CSAD: variants seen among roughly 807,000 people sequenced by gnomAD.
CSAD encodes the protein cysteine sulfinic acid decarboxylase.
CSAD carries 47 observed loss-of-function variants against 61.5 expected under a neutral mutation model. That is an observed-to-expected ratio of 0.76 (90% CI 0.60 to 0.97). CSAD has a LOEUF of 0.97. Ranked by LOEUF, CSAD falls within the 50% of genes least tolerant of loss-of-function variation. The pLI, the probability that CSAD is intolerant of heterozygous loss-of-function variation, is 0.00. For missense variants in CSAD, 611 were observed against 643.6 expected (o/e 0.95, Z 0.55); for synonymous variants, 245 against 252.7 (o/e 0.97, Z 0.29).
chr12:53,181,167 C>T (rs547520434), upstream of CSAD: 3 of 984,908 alleles, frequency 3.0e-6, no homozygotes, highest in Admixed American at 6.1e-5. Context: ...GCGAGGCGGG[C>T]GACACGCCGC....
chr12:53,177,294 G>C (rs762221084), intron 2 of CSAD, among the ~76,000 whole-genome samples: 1 of 152,134 alleles, frequency 6.6e-6, no homozygotes, highest in East Asian at 1.9e-4. Context: ...TCCTAGCAAA[G>C]ACAGAAATGT....
rs1384591282 is a variant in CSAD, at chr12:53,158,471, T to C, written c.*40A>G. ...GGAGGGAATGCAGTGACTCTGCGGG[T>C]GAGGGGTGGTATCAAGGCCGGCAGC... On this transcript the variant is annotated 3_prime_UTR_variant, in exon 17 of 17. Transcript: ENST00000444623. 2.5e-6 allele frequency: 4 copies of C among 1,589,864 alleles called. No homozygotes were observed. The South Asian group carries it at 3.4e-5, about 13-fold the overall frequency.
intron 10 of CSAD, among the ~76,000 whole-genome samples, chr12:53,167,228 G>C (rs1940044241): frequency 6.6e-6 from 1 of 152,188 alleles, no homozygotes; most frequent in South Asian, 2.1e-4. Flanking sequence ...AGGTGGGGTG[G>C]AAACAGTCCA....
chr12:53,178,370 T>C (rs968470779), intron 2 of CSAD: 18 of 455,640 alleles, frequency 4.0e-5, no homozygotes, highest in Non-Finnish European at 8.8e-6. Context: ...CCCACATCTG[T>C]AGTCCCAACT....
In CSAD at chr12:53,159,637, CG is replaced by C. The variant is rs1461673031; in HGVS notation, c.1293del (p.His431GlnfsTer16). The C allele has an allele frequency of 6.2e-7, 1 of 1,610,932 alleles. No individual in the cohort carries two copies. The highest frequency in any genetic ancestry group is 1.3e-5 in the African/African-American group (1 of 74,894). On this transcript the variant is annotated frameshift_variant, in exon 16 of 17. Transcript: ENST00000444623. LOFTEE classifies it high-confidence loss of function. ...AGCACGCCTACCTTTGACAGCCTTT[CG>C]TGGTAATCTGGACTCTCCTGCTTCC... ...LRGKQESPDYHERLSKVAPVL... is the reference protein window; with the variant it reads ...LRGKQESPDYXERLSKVAPVL...
At chr12:53,180,283 G>C in intron 1 of CSAD, 3 of 985,428 alleles carry the variant, frequency 3.0e-6, no homozygotes, top group Non-Finnish European at 3.6e-6. Context: ...CGAGTTACGT[G>C]AAAAGGCTGG....
chr12:53,160,897 C>G, intron 12 of CSAD, 53 bp from the exon 13 acceptor site: 1 of 1,480,374 alleles, frequency 6.8e-7, no homozygotes, highest in Non-Finnish European at 9.2e-7. Flanking sequence ...AGCTGCCCAA[C>G]CAGAGCCCTT....
chr12:53,167,901 T>C (rs1940110586), intron 10 of CSAD, among the ~76,000 whole-genome samples: 1 of 152,220 alleles, frequency 6.6e-6, no homozygotes, highest in Non-Finnish European at 1.5e-5. Flanking sequence ...AATGAAAACG[T>C]ATTTTCACAC....
intron 10 of CSAD, among the ~76,000 whole-genome samples, chr12:53,165,662 C>CAA (rs540475159): frequency 2.0e-3 from 93 of 46,904 alleles, no homozygotes; most frequent in African/African-American, 6.7e-3. Context: ...GACTCCATCT[C>CAA]AAAAAAAAAA....
At chr12:53,173,890 T>C in intron 2 of CSAD, 120 bp from the exon 3 acceptor site, 3 of 1,003,576 alleles carry the variant, frequency 3.0e-6, no homozygotes, top group Non-Finnish European at 4.5e-6. Context: ...CCAGAACATT[T>C]TCATCACCCA....
chr12:53,180,614 G>T, intron 1 of CSAD, 118 bp downstream of exon 1: 1 of 1,283,760 alleles, frequency 7.8e-7, no homozygotes, highest in Non-Finnish European at 1.0e-6. Flanking sequence ...CTCTGAGGCT[G>T]CCCCCGCTAG....
At chr12:53,178,834 CT>C (rs1941310385) in intron 2 of CSAD, among the ~76,000 whole-genome samples, 1 of 152,154 alleles carries the variant, frequency 6.6e-6, no homozygotes, top group Non-Finnish European at 1.5e-5. Context: ...CATATCCTAT[CT>C]ATAAATCCTT....
chr12:53,181,118 C>G (rs958038093), upstream of CSAD: 85 of 967,704 alleles, frequency 8.8e-5, no homozygotes, highest in African/African-American at 8.6e-4. Context: ...CGGCTCTGCT[C>G]CCGGTTGGTG....
At chr12:53,167,437 C>T (rs866942088) in intron 10 of CSAD, among the ~76,000 whole-genome samples, 26 of 152,348 alleles carry the variant, frequency 1.7e-4, no homozygotes, top group African/African-American at 5.3e-4. Flanking sequence ...TAGGTCAATT[C>T]TCCTGTATTC....
In CSAD at chr12:53,180,488, G is replaced by A. The variant is rs559533367; in HGVS notation, c.-91+244C>T. On this transcript the variant is annotated intron_variant, in intron 1 of 16. Transcript: ENST00000444623. ...GCCCTCAGTCTCGATGGCGGCCGGG[G>A]CGCGCCCCGGCCACGGCGCACGCGC... 496 of 1,224,134 alleles carry A rather than the reference G, an allele frequency of 4.1e-4. 2 individuals carry two copies. The African/African-American group carries it at 7.5e-3, about 19-fold the overall frequency. 75.8% of individuals were successfully genotyped at this position (1,224,134 alleles called of 1,614,324 possible). A position where few individuals can be genotyped will look rare whatever the true frequency, so the allele number is the denominator to read the frequency against.
chr12:53,171,090 G>C, intron 8 of CSAD: 6 of 670,578 alleles, frequency 8.9e-6, no homozygotes, highest in Non-Finnish European at 2.7e-6. Flanking sequence ...CTCTTGAGTA[G>C]GAAGAGTATG....
intron 10 of CSAD, among the ~76,000 whole-genome samples, chr12:53,165,450 G>C (rs1459365563): frequency 6.6e-6 from 1 of 151,846 alleles, no homozygotes; most frequent in Non-Finnish European, 1.5e-5. Context: ...CACAAGGTTG[G>C]GAGATCGAGA....
intron 2 of CSAD, chr12:53,178,332 A>C (rs760242499): frequency 3.1e-5 from 14 of 453,568 alleles, no homozygotes; most frequent in South Asian, 2.2e-4. Flanking sequence ...AACAAAAAAA[A>C]AACTACAAAA....
At chr12:53,163,202 T>A (rs574580088) in intron 10 of CSAD, among the ~76,000 whole-genome samples, 2 of 152,212 alleles carry the variant, frequency 1.3e-5, no homozygotes, top group East Asian at 3.9e-4. Flanking sequence ...ACCACTGCTC[T>A]ACAGCCTGGT....
Sources: allele counts gnomAD v4.1 joint callset (sites outside exome capture counted in the v4.1 genomes callset), GRCh38; gene constraint gnomAD v4.1.1; transcripts MANE v1.5; gene names NCBI Gene and HGNC (gene_info 2026-07-23, HGNC 2026-07-21).